The following ARFGAP1 variants were observed in gnomAD, a reference collection of about 807,000 sequenced individuals.
ARFGAP1 encodes ADP-ribosylation factor GTPase-activating protein 1.
ARFGAP1 carries 26 observed loss-of-function variants against 54.0 expected under a neutral mutation model. The ratio of observed to expected loss-of-function variants is 0.48; its 90% CI spans 0.35 to 0.67. ARFGAP1 has a LOEUF of 0.67. ARFGAP1 is among the 30% of genes least tolerant of loss of function. The probability of loss-of-function intolerance (pLI) is 0.00; values close to 1 mark genes in which losing one functional copy is unlikely to be tolerated. For missense variants in ARFGAP1, 525 were observed against 535.8 expected (o/e 0.98, Z 0.20); for synonymous variants, 248 against 211.9 (o/e 1.17, Z -1.48).
At chr20:63,273,807 G>T (rs2067163584) in intron 1 of ARFGAP1, among the ~76,000 whole-genome samples, 1 of 152,226 alleles carries the variant, frequency 6.6e-6, no homozygotes, top group Non-Finnish European at 1.5e-5. Context: ...ATGGCGACCA[G>T]GATTGGTCTC....
At position 63,288,860 on chromosome 20, in the gene ARFGAP1, C is replaced by G. The variant is rs1250539900; in HGVS notation, c.*987C>G. The G allele has an allele frequency of 7.0e-6, 2 of 285,780 alleles. No individual in the cohort carries two copies. The highest frequency in any genetic ancestry group is 1.4e-5 in the Non-Finnish European group (2 of 142,336). 17.7% of individuals were successfully genotyped at this position (285,780 alleles called of 1,614,324 possible). On this transcript the variant is annotated 3_prime_UTR_variant, in exon 13 of 13. Transcript: ENST00000370283. ...GCCCTGTGTGACCCTCAGTCTTGGC[C>G]AGCCATGCATGCGCCCGAAGCTCGT...
intron 9 of ARFGAP1, 120 bp from the exon 10 acceptor site, chr20:63,284,746 C>T (rs949528919): frequency 2.6e-6 from 4 of 1,528,032 alleles, no homozygotes; most frequent in Non-Finnish European, 3.5e-6. Context: ...CGCTTGTATC[C>T]TGCTGCCTTC....
rs1263917469 is a variant in ARFGAP1 at position 63,276,581 on chromosome 20, A to G, written c.272A>G (p.Glu91Gly). Residue 91 changes from glutamate to glycine, a missense_variant, in exon 4 of 13, where the codon GAG becomes GGG. Around this residue, in one of 3 missense-constraint regions of ARFGAP1, gnomAD observed 466 missense variants for 453.6 expected, o/e 1.03. Transcript: ENST00000370283. The surrounding 1 kb of genome is among the most constrained non-coding windows in gnomAD (Gnocchi z 5.2). ...TTCCGAGAGTTCCTGGAGTCTCAGG[A>G]GGATTACGATCCTTGCTGGTCCTTG... is the stretch of plus-strand genomic sequence containing the variant. ...AKFREFLESQ[E>G]DYDPCWSLQE... 6.2e-7 allele frequency: 1 copy of G among 1,613,982 alleles called. No homozygotes were observed. The highest frequency in any genetic ancestry group is 1.3e-5 in the African/African-American group (1 of 75,034).
chr20:63,278,884 C>T lies in ARFGAP1; in HGVS notation c.531-15C>T. ...CATGCCAGCATCTTCGGCCTCTTGT[C>T]CGCTTTGTTTTCAGGGCCCAGGGGA... On this transcript the variant is annotated splice_polypyrimidine_tract_variant and intron_variant, in intron 6 of 12. Transcript: ENST00000370283. 6.2e-7 allele frequency: 1 copy of T among 1,613,854 alleles called. No individual in the cohort carries two copies. The highest frequency in any genetic ancestry group is 8.5e-7 in the Non-Finnish European group (1 of 1,179,752).
At chr20:63,283,834 C>T (rs780000245) in intron 9 of ARFGAP1, 2 of 1,613,720 alleles carry the variant, frequency 1.2e-6, no homozygotes, top group Admixed American at 1.7e-5. Flanking sequence ...CACCTGTCTT[C>T]TTGCTGTCGG....
At position 63,288,178 on chromosome 20, in the gene ARFGAP1, G is replaced by C. The variant is rs2067616324; in HGVS notation, c.*305G>C. On this transcript the variant is annotated 3_prime_UTR_variant, in exon 13 of 13. Transcript: ENST00000370283. ...GCTGGGAGGTGGGCTGCAGCACAGA[G>C]GCCTGTGACTGCGTTCCAGCGGCCA... 1 of 586,158 alleles carries C rather than the reference G, an allele frequency of 1.7e-6. No individual in the cohort carries two copies. Among genetic ancestry groups the C allele is most frequent in the Non-Finnish European group, 3.2e-6 (1 of 315,114 alleles). 36.3% of individuals were successfully genotyped at this position (586,158 alleles called of 1,614,324 possible). A position where few individuals can be genotyped will look rare whatever the true frequency, so the allele number is the denominator to read the frequency against.
chr20:63,283,571 G>C (rs925072855), intron 9 of ARFGAP1: 36 of 477,836 alleles, frequency 7.5e-5, no homozygotes, highest in Non-Finnish European at 1.3e-4. Context: ...CTTCCTCTCT[G>C]AGGGAGTCTC....
rs907099805 is a variant in ARFGAP1, at chr20:63,288,576, C to A, written c.*703C>A. 2 of 447,652 alleles carry A rather than the reference C, an allele frequency of 4.5e-6. No homozygotes were observed. The highest frequency in any genetic ancestry group is 4.7e-5 in the Admixed American group (2 of 42,444). 27.7% of individuals were successfully genotyped at this position (447,652 alleles called of 1,614,324 possible). On this transcript the variant is annotated 3_prime_UTR_variant, in exon 13 of 13. Transcript: ENST00000370283. ...GTTCTCAGTGCTGGAACTTGACCAT[C>A]CTGGAACACCCTGGAAGAAAAAGGA... is the stretch of plus-strand genomic sequence containing the variant.
In ARFGAP1 at chr20:63,288,946, A is replaced by G. The variant is rs754909450; in HGVS notation, c.*1073A>G. The G allele has an allele frequency of 1.1e-4, 22 of 207,186 alleles. No individual in the cohort carries two copies. The highest frequency in any genetic ancestry group is 1.9e-4 in the Non-Finnish European group (19 of 99,512). The allele number at this position is 207,186 out of a possible 1,614,324, so 12.8% of individuals were successfully genotyped here. ...CATGCTCATCACTCTGGCCTTGGCC[A>G]TGCTCCCTGGTCACCCCACTTCCCG... On this transcript the variant is annotated 3_prime_UTR_variant, in exon 13 of 13. Coordinates refer to ENST00000370283, the MANE Select transcript of ARFGAP1 (RefSeq NM_018209.4).
intron 10 of ARFGAP1, among the ~76,000 whole-genome samples, chr20:63,285,206 C>T (rs531085613): frequency 4.7e-4 from 72 of 152,252 alleles, no homozygotes; most frequent in African/African-American, 1.6e-3. Flanking sequence ...GGCCCCAGAG[C>T]CCAGCACCCC....
At chr20:63,287,467 C>T (rs902373726) in intron 12 of ARFGAP1, 97 bp from the exon 13 acceptor site, 45 of 1,188,476 alleles carry the variant, frequency 3.8e-5, no homozygotes, top group Admixed American at 1.1e-4. Flanking sequence ...CCTGGGAAGG[C>T]GGTCACTGTC....
rs745402806 is a variant in ARFGAP1, at chr20:63,285,680, T to A, written c.801T>A (p.Asp267Glu). 2 of 1,613,678 alleles carry A rather than the reference T, an allele frequency of 1.2e-6. No homozygotes were observed. The highest frequency in any genetic ancestry group is 3.3e-5 in the Admixed American group (2 of 60,032). Residue 267 changes from aspartate (D) to glutamate (E), a missense_variant, in exon 11 of 13, where the codon GAT becomes GAA. Coordinates refer to ENST00000370283, the MANE Select transcript of ARFGAP1 (RefSeq NM_018209.4). ...TGAAGGAGGGAAAGATTTTTGATGATGTCTCCAGTGGGGTCTCTCAGTTGG... is the reference window on the plus strand; with the variant it reads ...TGAAGGAGGGAAAGATTTTTGATGAAGTCTCCAGTGGGGTCTCTCAGTTGG... ...EKVKEGKIFD[D>E]VSSGVSQLAS...
At chr20:63,273,202 C>T (rs1482157106) in intron 1 of ARFGAP1, 1 of 151,924 alleles carries the variant, frequency 6.6e-6, no homozygotes, top group Non-Finnish European at 1.5e-5. Context: ...AAGCTGCCCT[C>T]CACCCGCACC....
At chr20:63,287,428 G>GTGGGGCTGC (rs1479087411) in intron 12 of ARFGAP1, 136 bp from the exon 13 acceptor site, 2 of 733,760 alleles carry the variant, frequency 2.7e-6, no homozygotes, top group Non-Finnish European at 4.2e-6. Flanking sequence ...ATCCCACCTG[G>GTGGGGCTGC]TGGGGCTGCT....
chr20:63,281,726 G>A (rs1026783289), intron 8 of ARFGAP1, among the ~76,000 whole-genome samples: 4 of 152,186 alleles, frequency 2.6e-5, no homozygotes, highest in Non-Finnish European at 4.4e-5. Flanking sequence ...TTTTGAGAGC[G>A]ATTTCTCTCT....
Position 63,288,444 on chromosome 20 carries a change from G to C in ARFGAP1, c.*571G>C. The C allele has an allele frequency of 4.4e-6, 2 of 456,126 alleles. No individual in the cohort carries two copies. Among genetic ancestry groups the C allele is most frequent in the Non-Finnish European group, 8.8e-6 (2 of 226,818 alleles). The allele number at this position is 456,126 out of a possible 1,614,324, so 28.3% of individuals were successfully genotyped here. The stretch of plus-strand genomic sequence containing the variant: ...CCTGGGCCTGTGCTGTCAGACCCGC[G>C]TCGGTCGTAACCCTCTGTGGCTCCC... On this transcript the variant is annotated 3_prime_UTR_variant, in exon 13 of 13. Coordinates refer to ENST00000370283, the MANE Select transcript of ARFGAP1 (RefSeq NM_018209.4).
At chr20:63,275,535 G>T (rs1357903320) in intron 1 of ARFGAP1, 42 bp from the exon 2 acceptor site, 24 of 1,580,094 alleles carry the variant, frequency 1.5e-5, no homozygotes, top group Middle Eastern at 1.7e-4. Context: ...TTGTAGAGTA[G>T]CCTGTTTGTA....
At chr20:63,286,032 G>C (rs1474982471) in intron 11 of ARFGAP1, 4 of 1,547,328 alleles carry the variant, frequency 2.6e-6, no homozygotes, top group Non-Finnish European at 3.5e-6. Flanking sequence ...GGCCATTTGG[G>C]GCGTGCATTT....
Position 63,276,085 on chromosome 20 carries a change from T to C in ARFGAP1, c.61-6T>C, listed in dbSNP as rs1401795061. On this transcript the variant is annotated splice_polypyrimidine_tract_variant and splice_region_variant and intron_variant, in intron 2 of 12. Coordinates refer to ENST00000370283, the MANE Select transcript of ARFGAP1 (RefSeq NM_018209.4). The surrounding 1 kb of genome is among the most constrained non-coding windows in gnomAD (Gnocchi z 5.2). Reference sequence around the variant, plus strand: ...ACCTGGTGAGTCACTTGTGGCCCCTTTGCAGGTTTGTTTTGAGTGTGGCGC... The same window carrying C: ...ACCTGGTGAGTCACTTGTGGCCCCTCTGCAGGTTTGTTTTGAGTGTGGCGC... The C allele has an allele frequency of 5.0e-6, 8 of 1,613,614 alleles. No individual in the cohort carries two copies. The highest frequency in any genetic ancestry group is 6.8e-6 in the Non-Finnish European group (8 of 1,179,826).
Sources: allele counts gnomAD v4.1 joint callset (sites outside exome capture counted in the v4.1 genomes callset), GRCh38; gene constraint gnomAD v4.1.1; regional missense constraint gnomAD v4.1.1; non-coding constraint Gnocchi (gnomAD v3.1); transcripts MANE v1.5; gene names NCBI Gene and HGNC (gene_info 2026-07-23, HGNC 2026-07-21).